The following MED1 variants were observed in gnomAD, a reference collection of about 807,000 sequenced individuals.
MED1 encodes mediator complex subunit 1, also known as mediator of RNA polymerase II transcription subunit 1.
A neutral mutation model predicts 121.3 loss-of-function variants in MED1; 17 were observed. The observed-to-expected ratio is 0.14, with a 90% CI of 0.10 to 0.21. The LOEUF is 0.21. Among genes scored for constraint, MED1 ranks in the 10% least tolerant of loss-of-function variants. The probability of loss-of-function intolerance (pLI) is 1.00; values close to 1 mark genes in which losing one functional copy is unlikely to be tolerated. For synonymous variants in MED1, 661 were observed against 694.4 expected (o/e 0.95, Z 0.76); for missense variants, 1,558 against 1,919.4 (o/e 0.81, Z 3.52).
chr17:39,426,384 T>G (rs1472889377), intron 10 of MED1, among the ~76,000 whole-genome samples: 1 of 151,476 alleles, frequency 6.6e-6, no homozygotes, highest in African/African-American at 2.4e-5. Flanking sequence ...GAGGTGTAGG[T>G]TGCAGTGAGC....
intron 6 of MED1, among the ~76,000 whole-genome samples, chr17:39,438,956 A>G (rs550270026): frequency 6.6e-6 from 1 of 152,282 alleles, no homozygotes; most frequent in Non-Finnish European, 1.5e-5. Context: ...CTCAAAACAA[A>G]AACGAAAACA....
chr17:39,411,056 C>G (rs1030940897), intron 16 of MED1, among the ~76,000 whole-genome samples: 11 of 152,228 alleles, frequency 7.2e-5, no homozygotes, highest in African/African-American at 2.7e-4. Flanking sequence ...CACAGTGGCT[C>G]ACGCCTGTAA....
At chr17:39,412,703 A>C (rs1270003799) in intron 16 of MED1, among the ~76,000 whole-genome samples, 1 of 151,054 alleles carries the variant, frequency 6.6e-6, no homozygotes, top group East Asian at 2.0e-4. Flanking sequence ...ACGCCCAGCT[A>C]ATTTTTGTAT....
chr17:39,422,863 C>CTTTTTTT (rs372712559), intron 13 of MED1, among the ~76,000 whole-genome samples: 6 of 98,978 alleles, frequency 6.1e-5, no homozygotes, highest in East Asian at 3.2e-4. Flanking sequence ...TCCGAGATTT[C>CTTTTTTT]TTTTTTTTTT....
In MED1 at chr17:39,409,325, C is replaced by T; in HGVS notation, c.2896G>A (p.Glu966Lys). 6.2e-7 allele frequency: 1 copy of T among 1,614,028 alleles called. No individual in the cohort carries two copies. Among genetic ancestry groups the T allele is most frequent in the Non-Finnish European group, 8.5e-7 (1 of 1,179,966 alleles). ...PLLTTGDLGKEKTQKRVKEGN... is the reference protein window; with the variant it reads ...PLLTTGDLGKKKTQKRVKEGN... ...TCCTTTACCCTCTTTTGAGTCTTTT[C>T]TTTCCCTAAGTCCCCAGTGGTCAGT... The change falls in exon 17 of 17, where the codon GAA (glutamate) becomes AAA (lysine). Residue 966 changes from glutamate (E) to lysine (K), a missense_variant. Coordinates refer to ENST00000300651, the MANE Select transcript of MED1 (RefSeq NM_004774.4).
chr17:39,416,501 C>G (rs1213513847), intron 14 of MED1, among the ~76,000 whole-genome samples: 1 of 152,140 alleles, frequency 6.6e-6, no homozygotes, highest in African/African-American at 2.4e-5. Context: ...AAAAAGCATG[C>G]CTCTCTATAG....
rs1002964839 is a variant in MED1 at position 39,410,520 on chromosome 17, A to C, written c.1701T>G (p.Phe567Leu). Residue 567 changes from phenylalanine to leucine, a missense_variant, in exon 17 of 17, where the codon TTT (phenylalanine) becomes TTG (leucine). Physicochemically the swap from Phe to Leu is conservative, Grantham distance 22. Around this residue, in one of 5 missense-constraint regions of MED1, gnomAD observed 793 missense variants for 898.2 expected, o/e 0.88. Transcript: ENST00000300651. ...ACAAGGTGGTAATGGGACCCCCCGG[A>C]AAGGTGTTGGTTGGTGTAGTGGTAC... ...MSGTTTPTNT[F>L]PGGPITTLFN... The C allele has an allele frequency of 1.3e-5, 21 of 1,613,968 alleles. No individual in the cohort carries two copies. Among genetic ancestry groups the C allele is most frequent in the Non-Finnish European group, 1.7e-5 (20 of 1,179,998 alleles).
Position 39,427,696 on chromosome 17 carries a change from C to T in MED1, c.739+5G>A. On this transcript the variant is annotated splice_donor_5th_base_variant and intron_variant, in intron 10 of 16. Coordinates refer to ENST00000300651, the MANE Select transcript of MED1 (RefSeq NM_004774.4). The stretch of plus-strand genomic sequence containing the variant: ...CCTTTAATTCCTTTACAATTAAAGT[C>T]TTACCATTATTCTCATGCAAAATGA... 6.3e-7 allele frequency: 1 copy of T among 1,576,508 alleles called. No individual in the cohort carries two copies. The highest frequency in any genetic ancestry group is 8.7e-7 in the Non-Finnish European group (1 of 1,147,812).
In MED1 at chr17:39,410,039, T is replaced by C. The variant is rs749231957; in HGVS notation, c.2182A>G (p.Met728Val). ...DSQNPIFDVN[M>V]TADTLDTPHI... ...GGCGTATCCAGCGTGTCAGCTGTCATGTTGACATCAAAGATAGGGTTCTGT... is the reference window on the plus strand; with the variant it reads ...GGCGTATCCAGCGTGTCAGCTGTCACGTTGACATCAAAGATAGGGTTCTGT... The change falls in exon 17 of 17, where the codon ATG becomes GTG. Residue 728 changes from methionine to valine, a missense_variant. This residue lies in a region of MED1 where 793 missense variants were observed against 898.2 expected (regional missense o/e 0.88). Coordinates refer to ENST00000300651, the MANE Select transcript of MED1 (RefSeq NM_004774.4). The C allele has an allele frequency of 2.5e-5, 41 of 1,614,044 alleles. No homozygotes were observed. The Admixed American group carries it at 3.5e-4, about 14-fold the overall frequency.
At chr17:39,422,937 C>A (rs1247527880) in intron 13 of MED1, among the ~76,000 whole-genome samples, 1 of 132,506 alleles carries the variant, frequency 7.5e-6, no homozygotes, top group South Asian at 2.5e-4. Flanking sequence ...ACAATCTTGT[C>A]TCACTGCAAC....
At position 39,440,345 on chromosome 17, in the gene MED1, G is replaced by A. The variant is rs1402873712; in HGVS notation, c.399+41C>T. 6.6e-7 allele frequency: 1 copy of A among 1,524,360 alleles called. No homozygotes were observed. Among genetic ancestry groups the A allele is most frequent in the Non-Finnish European group, 8.7e-7 (1 of 1,143,856 alleles). The allele number at this position is 1,524,360 out of a possible 1,614,324, so 94.4% of individuals were successfully genotyped here. ...TTAATTTTAAAATTAATGTCCCTAAGTAAACCCCACAGATTCCAGTGAAAT... is the reference window on the plus strand; with the variant it reads ...TTAATTTTAAAATTAATGTCCCTAAATAAACCCCACAGATTCCAGTGAAAT... On this transcript the variant is annotated intron_variant, in intron 5 of 16. Coordinates refer to ENST00000300651, the MANE Select transcript of MED1 (RefSeq NM_004774.4). This position sits in a 1 kb window ranked among gnomAD's most constrained non-coding sequence, Gnocchi z 4.1.
intron 6 of MED1, 132 bp downstream of exon 6, chr17:39,439,033 G>C: frequency 1.3e-6 from 1 of 771,444 alleles, no homozygotes. Context: ...ATTAAGTATA[G>C]ACTCTTAAAA....
chr17:39,448,135 C>G (rs1487645726), intron 1 of MED1, among the ~76,000 whole-genome samples: 2 of 140,160 alleles, frequency 1.4e-5, no homozygotes. Context: ...ATCTATCCAC[C>G]TTTTTTTTTT....
At chr17:39,415,814 CAAAAAAAAAA>C (rs61614470) in intron 14 of MED1, among the ~76,000 whole-genome samples, 7 of 40,636 alleles carry the variant, frequency 1.7e-4, no homozygotes, top group Non-Finnish European at 3.0e-4. Context: ...GACTCCATCT[CAAAAAAAAAA>C]AAAAAAAAAA....
chr17:39,426,072 G>A (rs763103498), intron 10 of MED1, among the ~76,000 whole-genome samples: 11 of 152,094 alleles, frequency 7.2e-5, no homozygotes, highest in Admixed American at 2.0e-4. Context: ...TTCGGGGGCT[G>A]TAGTGAGCTG....
rs1411698329 is a variant in MED1 at position 39,409,445 on chromosome 17, C to G, written c.2776G>C (p.Ala926Pro). The change falls in exon 17 of 17, where the codon GCC becomes CCC. Residue 926 changes from alanine (A) to proline (P), a missense_variant. Physicochemically the swap from Ala to Pro is conservative, Grantham distance 27. Coordinates refer to ENST00000300651, the MANE Select transcript of MED1 (RefSeq NM_004774.4). Reference protein sequence around the residue: ...GETKFKGNNQADTVDFSIISV... With the variant: ...GETKFKGNNQPDTVDFSIISV... The stretch of plus-strand genomic sequence containing the variant: ...ATAATACTGAAATCAACTGTGTCGG[C>G]TTGGTTATTGCCCTTAAACTTGGTC... The G allele has an allele frequency of 6.2e-7, 1 of 1,614,150 alleles. No individual in the cohort carries two copies. Among genetic ancestry groups the G allele is most frequent in the African/African-American group, 1.3e-5 (1 of 75,020 alleles).
intron 9 of MED1, 144 bp from the exon 10 acceptor site, chr17:39,427,934 A>G (rs2048530012): frequency 1.8e-6 from 1 of 570,300 alleles, no homozygotes; most frequent in Non-Finnish European, 3.0e-6. Context: ...CTTATGAAAT[A>G]TGGCAGGTGT....
At chr17:39,444,523 G>A (rs2048708238) in intron 2 of MED1, among the ~76,000 whole-genome samples, 1 of 149,996 alleles carries the variant, frequency 6.7e-6, no homozygotes, top group Non-Finnish European at 1.5e-5. Flanking sequence ...AAAAGAAAAA[G>A]AAAAGAAACA....
intron 14 of MED1, among the ~76,000 whole-genome samples, chr17:39,415,846 C>G (rs978792252): frequency 6.8e-6 from 1 of 146,336 alleles, no homozygotes; most frequent in African/African-American, 2.5e-5. Flanking sequence ...AAAAATTAGC[C>G]GGGTGTGGTG....
Sources: gnomAD v4.1 joint callset for allele counts (sites outside exome capture counted in the v4.1 genomes callset) on GRCh38, gnomAD v4.1.1 for gene constraint, gnomAD v4.1.1 regional missense constraint, Gnocchi (gnomAD v3.1) non-coding constraint, MANE v1.5 for transcripts, NCBI Gene and HGNC (gene_info 2026-07-23, HGNC 2026-07-21) for gene names.